Variants in CTNNBL1 observed in about 807,000 individuals in gnomAD.
CTNNBL1 encodes the protein beta-catenin-like protein 1.
In CTNNBL1, 31 loss-of-function variants were observed where a neutral mutation model predicts 72.7. The observed-to-expected ratio is 0.43, with a 90% CI of 0.32 to 0.58. CTNNBL1 has a LOEUF of 0.58. Among genes scored for constraint, CTNNBL1 ranks in the 20% least tolerant of loss-of-function variants. The pLI, the probability that CTNNBL1 is intolerant of heterozygous loss-of-function variation, is 0.08. For synonymous variants in CTNNBL1, 240 were observed against 267.3 expected (o/e 0.90, Z 1.00); for missense variants, 534 against 725.1 (o/e 0.74, Z 3.03).
chr20:37,768,644 A>G (rs1286813334), intron 7 of CTNNBL1, among the ~76,000 whole-genome samples: 1 of 152,244 alleles, frequency 6.6e-6, no homozygotes, highest in Non-Finnish European at 1.5e-5. Context: ...ACAGGTAAAT[A>G]TAGTACTAAA....
chr20:37,824,335 A>G (rs565043360), intron 11 of CTNNBL1, among the ~76,000 whole-genome samples: 1 of 152,366 alleles, frequency 6.6e-6, no homozygotes, highest in African/African-American at 2.4e-5. Context: ...CAGTGAGGCG[A>G]AAAGAAGGGA....
At chr20:37,745,570 C>A (rs1054397729) in intron 3 of CTNNBL1, among the ~76,000 whole-genome samples, 4 of 152,204 alleles carry the variant, frequency 2.6e-5, no homozygotes, top group Non-Finnish European at 5.9e-5. Context: ...ACCTTATTGT[C>A]CCTATTTACA....
rs117259825 is a variant in CTNNBL1 at position 37,797,212 on chromosome 20, T to A, written c.1032-5655T>A. Among the ~76,000 whole-genome samples, 418 of 152,338 alleles carry A rather than the reference T, an allele frequency of 2.7e-3. 1 individual carries two copies. Among genetic ancestry groups the A allele is most frequent in the Non-Finnish European group, 4.5e-3 (307 of 68,038 alleles). Reference sequence around the variant, plus strand: ...AGAAATCCTGAATCCTGTAAAGTGATCTTGTATTTCAGACTCTAATGTAAG... The same window carrying A: ...AGAAATCCTGAATCCTGTAAAGTGAACTTGTATTTCAGACTCTAATGTAAG... On this transcript the variant is annotated intron_variant, in intron 10 of 15. Coordinates refer to ENST00000361383, the MANE Select transcript of CTNNBL1 (RefSeq NM_030877.5).
chr20:37,816,514 G>C (rs2072060512), intron 11 of CTNNBL1, among the ~76,000 whole-genome samples: 1 of 152,144 alleles, frequency 6.6e-6, no homozygotes, highest in Non-Finnish European at 1.5e-5. Context: ...CTTTAAAATG[G>C]AGACAATGTT....
intron 13 of CTNNBL1, among the ~76,000 whole-genome samples, chr20:37,851,448 A>G (rs547220543): frequency 4.9e-4 from 75 of 152,278 alleles, no homozygotes; most frequent in African/African-American, 1.6e-3. Flanking sequence ...GTGACCTTAC[A>G]TTTTAATGCT....
intron 11 of CTNNBL1, among the ~76,000 whole-genome samples, chr20:37,826,886 G>T (rs1380272983): frequency 6.6e-6 from 1 of 152,182 alleles, no homozygotes; most frequent in Non-Finnish European, 1.5e-5. Flanking sequence ...TTAAATAAAA[G>T]TAAAATGCAT....
intron 10 of CTNNBL1, among the ~76,000 whole-genome samples, chr20:37,785,549 G>A (rs751805648): frequency 5.9e-5 from 9 of 152,210 alleles, no homozygotes; most frequent in African/African-American, 1.2e-4. Flanking sequence ...GCTGTTAAGA[G>A]ACTCTGATGC....
At chr20:37,830,626 A>G (rs1276157770) in intron 11 of CTNNBL1, among the ~76,000 whole-genome samples, 1 of 152,132 alleles carries the variant, frequency 6.6e-6, no homozygotes, top group Admixed American at 6.5e-5. Flanking sequence ...CATAGGACTC[A>G]TGCTCCTCAA....
chr20:37,805,640 G>A (rs557531161), intron 11 of CTNNBL1, among the ~76,000 whole-genome samples: 17 of 152,014 alleles, frequency 1.1e-4, no homozygotes, highest in African/African-American at 2.7e-4. Context: ...CAAGTGATCC[G>A]CCCACCTTGG....
chr20:37,733,379 T>C (rs2073146356), intron 2 of CTNNBL1, among the ~76,000 whole-genome samples: 1 of 151,946 alleles, frequency 6.6e-6, no homozygotes, highest in African/African-American at 2.4e-5. Flanking sequence ...GAAAGAGGGG[T>C]CAAATTTCAC....
chr20:37,779,140 A>AG (rs762894452), intron 9 of CTNNBL1, 47 bp from the exon 10 acceptor site: 1 of 1,600,032 alleles, frequency 6.2e-7, no homozygotes, highest in Non-Finnish European at 8.5e-7. Context: ...GCTCATGAAA[A>AG]GACATTCTCT....
rs1054661894 is a variant in CTNNBL1 at position 37,810,671 on chromosome 20, G to C, written c.1213+7623G>C. ...TTAGGGATTCTGGGAAGGCTTAAGA[G>C]ATGAGATAACATTTGAGTACTCTTC... On this transcript the variant is annotated intron_variant, in intron 11 of 15. Transcript: ENST00000361383. 2.6e-5 allele frequency among the ~76,000 whole-genome samples: 4 copies of C among 152,206 alleles called. No homozygotes were observed. The East Asian group carries it at 7.7e-4, about 29-fold the overall frequency.
At position 37,871,966 on chromosome 20, in the gene CTNNBL1, C is replaced by T. The variant is rs752655870; in HGVS notation, c.1645C>T (p.Arg549Trp). 55 of 1,613,906 alleles carry T rather than the reference C, an allele frequency of 3.4e-5. No individual in the cohort carries two copies. Among genetic ancestry groups the T allele is most frequent in the Middle Eastern group, 1.6e-4 (1 of 6,082 alleles). Residue 549 changes from arginine (R) to tryptophan (W), a missense_variant, in exon 16 of 16, where the codon CGG becomes TGG. Arg to Trp is a moderately radical substitution (Grantham distance 101). Transcript: ENST00000361383. ...NIGDGRSPEF[R>W]ENEQKRILGL... ...CGGGGACGGCCGGAGCCCGGAGTTC[C>T]GGGAGAACGAGCAAAAGCGCATCCT...
chr20:37,696,610 AT>A (rs55821300), intron 1 of CTNNBL1, among the ~76,000 whole-genome samples: 150,888 of 150,908 alleles, frequency 1, 75,434 homozygotes, highest in Middle Eastern at 1. Flanking sequence ...CGCCTGGCTA[AT>A]TTTTGTATTT....
intron 1 of CTNNBL1, chr20:37,727,202 T>G (rs2073092564): frequency 4.8e-6 from 1 of 209,702 alleles, no homozygotes; most frequent in Admixed American, 6.5e-5. Context: ...TTAGGTTGGA[T>G]ATTGTCTGGG....
At chr20:37,707,295 T>G (rs73290827) in intron 1 of CTNNBL1, among the ~76,000 whole-genome samples, 7,678 of 152,302 alleles carry the variant, frequency 0.05, 223 homozygotes, top group South Asian at 0.078. Context: ...GGCCTCTTCT[T>G]CCAACAGAAG....
intron 7 of CTNNBL1, 183 bp from the exon 8 acceptor site, chr20:37,777,162 T>C (rs2073581310): frequency 1.8e-6 from 1 of 552,400 alleles, no homozygotes; most frequent in Non-Finnish European, 3.3e-6. Context: ...ATTGTTTCAA[T>C]CTGTCACTTT....
chr20:37,740,531 G>A (rs904751657), intron 3 of CTNNBL1, among the ~76,000 whole-genome samples: 3 of 152,198 alleles, frequency 2.0e-5, no homozygotes, highest in African/African-American at 7.2e-5. Flanking sequence ...ACTAGAGTGT[G>A]CTGTTTCCCT....
intron 1 of CTNNBL1, among the ~76,000 whole-genome samples, chr20:37,732,678 G>C (rs549523832): frequency 6.6e-6 from 1 of 152,198 alleles, no homozygotes; most frequent in Non-Finnish European, 1.5e-5. Flanking sequence ...GATATTTGCT[G>C]TCTATGCCTT....
Sources: gnomAD v4.1 joint callset for allele counts (sites outside exome capture counted in the v4.1 genomes callset) on GRCh38, gnomAD v4.1.1 for gene constraint, MANE v1.5 for transcripts, NCBI Gene and HGNC (gene_info 2026-07-23, HGNC 2026-07-21) for gene names.